XYLT1: variants seen among roughly 807,000 people sequenced by gnomAD.
The protein encoded by XYLT1 is xylosyltransferase 1, also known as beta-D-xylosyltransferase 1.
In XYLT1, 36 loss-of-function variants were observed where a neutral mutation model predicts 91.3. That is an observed-to-expected ratio of 0.39 (90% confidence interval 0.30 to 0.52). The LOEUF (loss-of-function observed/expected upper bound fraction) is 0.52. Ranked by LOEUF, XYLT1 falls within the 20% of genes least tolerant of loss-of-function variation. The probability of loss-of-function intolerance (pLI) is 0.68; values close to 1 mark genes in which losing one functional copy is unlikely to be tolerated. For synonymous variants in XYLT1, 588 were observed against 532.0 expected, an observed-to-expected ratio of 1.11 and a Z score of -1.45; for missense variants, 1,242 against 1,284.5, an observed-to-expected ratio of 0.97 and a Z score of 0.51.
chr16:17,432,040 G>A lies in XYLT1; in HGVS notation c.363+38394C>T, dbSNP rs554847849. ...CCAATGGTTGTATTTCACACACAGC[G>A]GTATTTAATAAACCTCTTCACCATC... On this transcript the variant is annotated intron_variant, in intron 1 of 11. Transcript: ENST00000261381. Among the ~76,000 whole-genome samples, 26 of 152,124 alleles carry A rather than the reference G, an allele frequency of 1.7e-4. No homozygotes were observed. The East Asian group carries it at 4.4e-3, about 26-fold the overall frequency.
At chr16:17,405,254 C>T (rs935812563) in intron 1 of XYLT1, among the ~76,000 whole-genome samples, 2 of 152,182 alleles carry the variant, frequency 1.3e-5, no homozygotes, top group African/African-American at 2.4e-5. Flanking sequence ...GCCCTGCGTC[C>T]GCTCCAGCCC....
At chr16:17,311,924 A>G (rs2034557433) in intron 2 of XYLT1, among the ~76,000 whole-genome samples, 1 of 151,970 alleles carries the variant, frequency 6.6e-6, no homozygotes, top group Non-Finnish European at 1.5e-5. Context: ...AATGAGAACA[A>G]TATAGGGGAA....
chr16:17,207,038 G>A (rs372522972), intron 3 of XYLT1, among the ~76,000 whole-genome samples: 81 of 143,022 alleles, frequency 5.7e-4, no homozygotes, highest in South Asian at 1.1e-3. Context: ...AGTCAGGTTG[G>A]TTTTCTTTTC....
chr16:17,319,449 AT>A (rs746624402), intron 2 of XYLT1, among the ~76,000 whole-genome samples: 170 of 143,876 alleles, frequency 1.2e-3, no homozygotes, highest in Middle Eastern at 3.6e-3. Flanking sequence ...CCATTCAGGA[AT>A]TTTTTTTTTT....
chr16:17,199,521 C>T (rs1418800405), intron 4 of XYLT1, among the ~76,000 whole-genome samples: 2 of 152,180 alleles, frequency 1.3e-5, no homozygotes, highest in African/African-American at 4.8e-5. Flanking sequence ...GTTGTGTCCC[C>T]ACCCAAATCT....
chr16:17,296,950 A>T (rs1423755927), intron 2 of XYLT1, among the ~76,000 whole-genome samples: 1 of 152,178 alleles, frequency 6.6e-6, no homozygotes, highest in Non-Finnish European at 1.5e-5. Flanking sequence ...AATAATCAGG[A>T]ATGACTTTCC....
chr16:17,447,496 G>C (rs1295870214), intron 1 of XYLT1, among the ~76,000 whole-genome samples: 1 of 152,218 alleles, frequency 6.6e-6, no homozygotes, highest in African/African-American at 2.4e-5. Context: ...AGCATGACTT[G>C]GGAGGGTCTC....
chr16:17,397,827 C>CTTT (rs749199983), intron 1 of XYLT1, among the ~76,000 whole-genome samples: 16 of 108,718 alleles, frequency 1.5e-4, no homozygotes, highest in African/African-American at 5.0e-4. Context: ...TTGAATAGCT[C>CTTT]TTTTTTTTTT....
intron 10 of XYLT1, among the ~76,000 whole-genome samples, chr16:17,120,431 T>C (rs9936863): frequency 0.66 from 100,522 of 151,272 alleles, 34,024 homozygotes; most frequent in Non-Finnish European, 0.71. Flanking sequence ...CCCTGGGTTA[T>C]TCCCAGCACC....
intron 1 of XYLT1, among the ~76,000 whole-genome samples, chr16:17,393,181 G>A (rs35090210): frequency 0.15 from 22,255 of 152,184 alleles, 1,841 homozygotes; most frequent in Middle Eastern, 0.21. Context: ...CCTCTAAACT[G>A]ATTGAGGCCT....
intron 3 of XYLT1, among the ~76,000 whole-genome samples, chr16:17,239,006 G>T (rs558661970): frequency 6.6e-6 from 1 of 152,292 alleles, no homozygotes. Flanking sequence ...AACAATCCAG[G>T]TGTCTTCTTC....
At chr16:17,300,309 T>G (rs2034374467) in intron 2 of XYLT1, among the ~76,000 whole-genome samples, 1 of 152,152 alleles carries the variant, frequency 6.6e-6, no homozygotes, top group African/African-American at 2.4e-5. Flanking sequence ...ATGATATGCG[T>G]GTAGGGAGGA....
chr16:17,158,724 C>G lies in XYLT1; in HGVS notation c.1370+105G>C, dbSNP rs1301174768. ...CAGCTGGTGCCAAGCCTTTCTCCCACCCTCAACCTTTCTGTGGCTGCATGA... is the reference window on the plus strand; with the variant it reads ...CAGCTGGTGCCAAGCCTTTCTCCCAGCCTCAACCTTTCTGTGGCTGCATGA... On this transcript the variant is annotated intron_variant, in intron 6 of 11. Transcript: ENST00000261381. The G allele has an allele frequency of 2.4e-6, 3 of 1,256,386 alleles. No homozygotes were observed. The East Asian group carries it at 7.0e-5, about 29-fold the overall frequency. The allele number at this position is 1,256,386 out of a possible 1,614,324, so 77.8% of individuals were successfully genotyped here.
intron 1 of XYLT1, among the ~76,000 whole-genome samples, chr16:17,396,133 G>A (rs1193345962): frequency 2.0e-5 from 3 of 151,746 alleles, no homozygotes; most frequent in Non-Finnish European, 2.9e-5. Flanking sequence ...ATTTAGAAAG[G>A]GTTACAATGC....
intron 2 of XYLT1, among the ~76,000 whole-genome samples, chr16:17,288,915 G>A (rs2034180589): frequency 6.6e-6 from 1 of 152,060 alleles, no homozygotes; most frequent in Non-Finnish European, 1.5e-5. Context: ...GAGTGTTGAG[G>A]TGATTTGTTA....
rs73527414 is a variant in XYLT1, at chr16:17,425,343, C to T, written c.363+45091G>A. Among the ~76,000 whole-genome samples, 305 of 152,234 alleles carry T rather than the reference C, an allele frequency of 2.0e-3. 1 individual carries two copies. Among genetic ancestry groups the T allele is most frequent in the African/African-American group, 7.1e-3 (295 of 41,520 alleles). On this transcript the variant is annotated intron_variant, in intron 1 of 11. Coordinates refer to ENST00000261381, the MANE Select transcript of XYLT1 (RefSeq NM_022166.4). ...GACCCAGAAGGCTGCTCATTAACAT[C>T]GTCTATATATTTTAAGAGCCAAGAA...
intron 9 of XYLT1, 100 bp downstream of exon 9, chr16:17,134,373 C>A: frequency 6.8e-7 from 1 of 1,465,678 alleles, no homozygotes. Context: ...GGTGGCATTG[C>A]ATTGCAGATC....
chr16:17,246,700 T>C (rs2033440385), intron 3 of XYLT1, among the ~76,000 whole-genome samples: 1 of 152,206 alleles, frequency 6.6e-6, no homozygotes, highest in Non-Finnish European at 1.5e-5. Flanking sequence ...ACACCTGGCA[T>C]TCAGGAAGTG....
At chr16:17,112,322 C>T (rs781410487) in intron 11 of XYLT1, among the ~76,000 whole-genome samples, 3 of 151,900 alleles carry the variant, frequency 2.0e-5, no homozygotes, top group Non-Finnish European at 2.9e-5. Flanking sequence ...TGTTCACTGT[C>T]ATTCATTGGA....
Sources: gnomAD v4.1 joint callset for allele counts (sites outside exome capture counted in the v4.1 genomes callset) on GRCh38, gnomAD v4.1.1 for gene constraint, MANE v1.5 for transcripts, NCBI Gene and HGNC (gene_info 2026-07-23, HGNC 2026-07-21) for gene names.